The following CTNNA3 variants were observed in gnomAD, a reference collection of about 807,000 sequenced individuals.
CTNNA3 encodes the protein catenin alpha-3.
CTNNA3 carries 76 observed loss-of-function variants against 95.7 expected under a neutral mutation model. The ratio of observed to expected loss-of-function variants is 0.79; its 90% confidence interval spans 0.66 to 0.96. CTNNA3 has a LOEUF of 0.96. Among genes scored for constraint, CTNNA3 ranks in the 40% least tolerant of loss-of-function variants. CTNNA3 has a pLI of 0.00. For missense variants in CTNNA3, 1,191 were observed against 1,089.8 expected (o/e 1.09, Z -1.31); for synonymous variants, 431 against 374.4 (o/e 1.15, Z -1.74).
At chr10:66,371,303 T>C (rs1395974421) in intron 12 of CTNNA3, among the ~76,000 whole-genome samples, 1 of 152,162 alleles carries the variant, frequency 6.6e-6, no homozygotes, top group Admixed American at 6.6e-5. Context: ...CTTTTACATA[T>C]ACAGCAAAAC....
At chr10:66,548,671 AT>A in intron 10 of CTNNA3, among the ~76,000 whole-genome samples, 1 of 151,932 alleles carries the variant, frequency 6.6e-6, no homozygotes. Flanking sequence ...ATCATCCAAT[AT>A]TTTAGTATTT....
At chr10:66,153,452 C>T (rs2084310551) in intron 13 of CTNNA3, among the ~76,000 whole-genome samples, 1 of 151,864 alleles carries the variant, frequency 6.6e-6, no homozygotes, top group African/African-American at 2.4e-5. Context: ...AAATTACATA[C>T]TTTGTGTGCC....
chr10:66,601,386 G>T (rs1442491672), intron 10 of CTNNA3, among the ~76,000 whole-genome samples: 2 of 151,886 alleles, frequency 1.3e-5, no homozygotes, highest in Non-Finnish European at 2.9e-5. Context: ...TTCTGCATAA[G>T]CATGACAGAG....
intron 7 of CTNNA3, among the ~76,000 whole-genome samples, chr10:66,906,219 G>C (rs1260863147): frequency 6.6e-6 from 1 of 152,112 alleles, no homozygotes; most frequent in Non-Finnish European, 1.5e-5. Flanking sequence ...ATAACGAAGA[G>C]ATATTAGATA....
chr10:67,320,858 G>T (rs114154156), intron 5 of CTNNA3, among the ~76,000 whole-genome samples: 2 of 152,250 alleles, frequency 1.3e-5, no homozygotes, highest in African/African-American at 4.8e-5. Context: ...GAAGAGAATT[G>T]AGATTGGAAG....
intron 11 of CTNNA3, among the ~76,000 whole-genome samples, chr10:66,483,209 G>A (rs1475682707): frequency 6.6e-6 from 1 of 152,056 alleles, no homozygotes; most frequent in Admixed American, 6.5e-5. Flanking sequence ...TATATCCTTG[G>A]GCAAATTAAT....
At chr10:67,193,391 T>C (rs1417523135) in intron 6 of CTNNA3, among the ~76,000 whole-genome samples, 2 of 152,052 alleles carry the variant, frequency 1.3e-5, no homozygotes, top group Non-Finnish European at 2.9e-5. Context: ...TGTGCAGGTT[T>C]GTTATATAGG....
intron 7 of CTNNA3, among the ~76,000 whole-genome samples, chr10:66,834,669 T>G (rs1281962420): frequency 2.0e-5 from 3 of 152,236 alleles, no homozygotes; most frequent in Non-Finnish European, 4.4e-5. Context: ...ATTCAAATGC[T>G]GCATTCTAAG....
chr10:66,762,765 C>T (rs886528724), intron 9 of CTNNA3, among the ~76,000 whole-genome samples: 1 of 151,894 alleles, frequency 6.6e-6, no homozygotes, highest in Admixed American at 6.6e-5. Context: ...CTACTTTTTA[C>T]TATCTTTTTG....
chr10:66,443,264 C>T (rs962972955), intron 11 of CTNNA3, among the ~76,000 whole-genome samples: 6 of 151,862 alleles, frequency 4.0e-5, no homozygotes, highest in African/African-American at 1.2e-4. Flanking sequence ...CAGCAGTAAC[C>T]TCTGCAGACT....
In CTNNA3 at chr10:66,069,438, C is replaced by A. The variant is rs2080383618; in HGVS notation, c.2029G>T (p.Val677Phe). 3 of 1,613,354 alleles carry A rather than the reference C, an allele frequency of 1.9e-6. No individual in the cohort carries two copies. The highest frequency in any genetic ancestry group is 4.5e-5 in the East Asian group (2 of 44,822). Residue 677 changes from valine (V) to phenylalanine (F), a missense_variant, in exon 15 of 18, where the codon GTT (valine) becomes TTT (phenylalanine). By Grantham distance (50) the Val-to-Phe change is conservative (BLOSUM62 -1). Coordinates refer to ENST00000433211, the MANE Select transcript of CTNNA3 (RefSeq NM_013266.4). ...EAEKEKIAEQ[V>F]ADFKKVKSKL... ...CTCTTTACTTTCTTGAAATCAGCAA[C>A]TTGCTCAGCAATCTTTTCTTTTTCT...
intron 7 of CTNNA3, among the ~76,000 whole-genome samples, chr10:66,872,695 T>C (rs1387634051): frequency 7.0e-6 from 1 of 142,890 alleles, no homozygotes; most frequent in Non-Finnish European, 1.5e-5. Flanking sequence ...ATAATAATAA[T>C]TTCAACTTTT....
chr10:66,160,385 T>C (rs560098457), intron 13 of CTNNA3, among the ~76,000 whole-genome samples: 13 of 152,112 alleles, frequency 8.5e-5, no homozygotes, highest in Non-Finnish European at 1.6e-4. Flanking sequence ...TGTGTCATTA[T>C]TGTCATTCAG....
At chr10:66,965,948 TAA>T (rs778261603) in intron 7 of CTNNA3, among the ~76,000 whole-genome samples, 68 of 152,316 alleles carry the variant, frequency 4.5e-4, no homozygotes, top group African/African-American at 1.6e-3. Flanking sequence ...AAGCACTATA[TAA>T]GTCTGGAGAG....
chr10:66,468,420 A>T (rs914966188), intron 11 of CTNNA3, among the ~76,000 whole-genome samples: 12 of 152,100 alleles, frequency 7.9e-5, no homozygotes, highest in South Asian at 2.1e-4. Context: ...CAGATTTTTT[A>T]AAAGTTTGAT....
At chr10:66,328,915 T>TAC (rs2092290405) in intron 12 of CTNNA3, among the ~76,000 whole-genome samples, 1 of 116,394 alleles carries the variant, frequency 8.6e-6, no homozygotes, top group African/African-American at 3.1e-5. Flanking sequence ...TATATACATA[T>TAC]ATATATATAT....
intron 3 of CTNNA3, among the ~76,000 whole-genome samples, chr10:67,556,519 T>G (rs550773227): frequency 3.9e-5 from 6 of 152,318 alleles, no homozygotes; most frequent in South Asian, 2.1e-4. Flanking sequence ...CCATTTCTTT[T>G]AGATTTTCTA....
intron 3 of CTNNA3, among the ~76,000 whole-genome samples, chr10:67,566,253 A>T (rs1841795280): frequency 7.0e-6 from 1 of 142,822 alleles, no homozygotes; most frequent in Non-Finnish European, 1.5e-5. Context: ...AATGGGAGAA[A>T]ATTTTCGCAA....
chr10:66,472,759 A>C (rs1456711006), intron 11 of CTNNA3, among the ~76,000 whole-genome samples: 1 of 151,986 alleles, frequency 6.6e-6, no homozygotes, highest in African/African-American at 2.4e-5. Context: ...TCCAGTATGC[A>C]AGTTCCTGCT....
Sources: allele counts gnomAD v4.1 joint callset (sites outside exome capture counted in the v4.1 genomes callset), GRCh38; gene constraint gnomAD v4.1.1; transcripts MANE v1.5; gene names NCBI Gene and HGNC (gene_info 2026-07-23, HGNC 2026-07-21).